Variants in MERTK observed in about 807,000 individuals in gnomAD.
MERTK encodes MER proto-oncogene, tyrosine kinase, also known as tyrosine-protein kinase Mer.
MERTK carries 69 observed loss-of-function variants against 99.3 expected under a neutral mutation model. The ratio of observed to expected loss-of-function variants is 0.70; its 90% CI spans 0.57 to 0.85. The LOEUF (loss-of-function observed/expected upper bound fraction) is 0.85, where lower values mean the gene tolerates loss of function less well. Ranked by LOEUF, MERTK falls within the 40% of genes least tolerant of loss-of-function variation. The pLI, the probability that MERTK is intolerant of heterozygous loss-of-function variation, is 0.00. For synonymous variants in MERTK, 426 were observed against 467.6 expected (o/e 0.91, Z 1.15); for missense variants, 1,125 against 1,249.4 (o/e 0.90, Z 1.50).
intron 1 of MERTK, among the ~76,000 whole-genome samples, chr2:111,913,717 T>C (rs1684294204): frequency 6.6e-6 from 1 of 152,064 alleles, no homozygotes; most frequent in Admixed American, 6.6e-5. Context: ...TGGCTAATTT[T>C]TTTGTATTTT....
At chr2:111,985,248 G>A (rs1202624784) in intron 8 of MERTK, among the ~76,000 whole-genome samples, 1 of 152,168 alleles carries the variant, frequency 6.6e-6, no homozygotes, top group Non-Finnish European at 1.5e-5. Flanking sequence ...GCTATGATGT[G>A]AACCCTGGAC....
intron 16 of MERTK, among the ~76,000 whole-genome samples, chr2:112,020,173 C>A (rs1469237162): frequency 1.3e-5 from 2 of 152,234 alleles, no homozygotes; most frequent in Non-Finnish European, 2.9e-5. Flanking sequence ...GGCCTGCCCC[C>A]TCCCGCCTCC....
Position 111,929,303 on chromosome 2 carries a change from A to T in MERTK, c.245A>T (p.Gln82Leu). Residue 82 changes from glutamine (Q) to leucine (L), a missense_variant, in exon 2 of 19, where the codon CAG becomes CTG. Physicochemically the swap from Gln to Leu is moderately radical, Grantham distance 113 (BLOSUM62 -2). Coordinates refer to ENST00000295408, the MANE Select transcript of MERTK (RefSeq NM_006343.3). Reference sequence around the variant, plus strand: ...CATACAGGAAACGTAGCCATTCCCCAGGTGACCTCTGTCGAATCAAAGCCC... The same window carrying T: ...CATACAGGAAACGTAGCCATTCCCCTGGTGACCTCTGTCGAATCAAAGCCC... ...RPHTGNVAIPQVTSVESKPLP... is the reference protein window; with the variant it reads ...RPHTGNVAIPLVTSVESKPLP... The T allele has an allele frequency of 6.2e-7, 1 of 1,614,216 alleles. No individual in the cohort carries two copies. Among genetic ancestry groups the T allele is most frequent in the East Asian group, 2.2e-5 (1 of 44,888 alleles).
rs1192670334 is a variant in MERTK, at chr2:111,929,473, G to A, written c.415G>A (p.Gly139Arg). ...GTGGAAAGATGGGAAGGAATTGCTT[G>A]GGGCACATCATGCAATTACACAGTT... ...SWWKDGKELL[G>R]AHHAITQFYP... Residue 139 changes from glycine to arginine, a missense_variant, in exon 2 of 19, where the codon GGG becomes AGG. Coordinates refer to ENST00000295408, the MANE Select transcript of MERTK (RefSeq NM_006343.3). The A allele has an allele frequency of 6.2e-7, 1 of 1,613,940 alleles. No homozygotes were observed. Among genetic ancestry groups the A allele is most frequent in the East Asian group, 2.2e-5 (1 of 44,906 alleles).
intron 15 of MERTK, chr2:112,013,335 A>C (rs369207214): frequency 6.5e-6 from 1 of 154,280 alleles, no homozygotes; most frequent in Non-Finnish European, 1.5e-5. Flanking sequence ...TTTTTCCCCC[A>C]AAAAGAAAGA....
intron 4 of MERTK, among the ~76,000 whole-genome samples, chr2:111,960,763 C>A (rs1296833535): frequency 1.3e-5 from 2 of 151,828 alleles, no homozygotes; most frequent in Admixed American, 1.3e-4. Context: ...TGGTGGAAAA[C>A]TTGCTGCTGG....
intron 7 of MERTK, among the ~76,000 whole-genome samples, chr2:111,979,987 G>T (rs1676335255): frequency 6.6e-6 from 1 of 152,174 alleles, no homozygotes; most frequent in African/African-American, 2.4e-5. Flanking sequence ...TCATTGATTT[G>T]ATTGGAACTC....
intron 16 of MERTK, among the ~76,000 whole-genome samples, chr2:112,020,842 A>C (rs1573647383): frequency 6.6e-6 from 1 of 151,798 alleles, no homozygotes; most frequent in Non-Finnish European, 1.5e-5. Context: ...GTTTCTATCC[A>C]CTGTGCACAG....
chr2:112,021,603 A>G (rs1677352448), intron 17 of MERTK, 22 bp downstream of exon 17: 2 of 1,597,274 alleles, frequency 1.3e-6, no homozygotes, highest in South Asian at 2.2e-5. Context: ...GCTTTGATTC[A>G]GGGGTCCCAC....
chr2:111,985,072 G>A (rs1196718309), intron 8 of MERTK, among the ~76,000 whole-genome samples: 2 of 152,162 alleles, frequency 1.3e-5, no homozygotes, highest in Non-Finnish European at 2.9e-5. Context: ...GTAAGTACTG[G>A]TTTCATTTCA....
At chr2:111,950,646 C>T (rs888416077) in intron 4 of MERTK, among the ~76,000 whole-genome samples, 13 of 152,190 alleles carry the variant, frequency 8.5e-5, no homozygotes, top group Admixed American at 4.6e-4. Context: ...ATTTCATTTC[C>T]CTGATGTCTA....
At chr2:111,987,911 G>A (rs1452138799) in intron 8 of MERTK, among the ~76,000 whole-genome samples, 2 of 151,396 alleles carry the variant, frequency 1.3e-5, no homozygotes, top group African/African-American at 2.4e-5. Context: ...TTTACTCTTC[G>A]TTTTCAAAGG....
At chr2:111,914,101 CTT>C (rs765850254) in intron 1 of MERTK, among the ~76,000 whole-genome samples, 1,482 of 94,160 alleles carry the variant, frequency 0.016, 13 homozygotes, top group African/African-American at 0.068. Flanking sequence ...TTCTTTCTTT[CTT>C]TTTTTTTTTT....
chr2:111,948,982 G>T (rs567484019), intron 4 of MERTK, among the ~76,000 whole-genome samples: 1 of 151,766 alleles, frequency 6.6e-6, no homozygotes, highest in East Asian at 1.9e-4. Flanking sequence ...TGCTTGTTAG[G>T]CACGAGTCAC....
intron 18 of MERTK, among the ~76,000 whole-genome samples, chr2:112,027,265 G>T (rs545895804): frequency 1.0e-4 from 15 of 149,726 alleles, no homozygotes; most frequent in Non-Finnish European, 3.0e-5. Context: ...TGCCATATAT[G>T]TGTATATATA....
At chr2:111,925,293 T>TATATATATATATATATATA (rs1553446655) in intron 1 of MERTK, among the ~76,000 whole-genome samples, 73 of 29,640 alleles carry the variant, frequency 2.5e-3, no homozygotes, top group Non-Finnish European at 3.2e-3. Flanking sequence ...TATATATATA[T>TATATATATATATATATATA]TTTTTTTTTT....
intron 16 of MERTK, chr2:112,020,501 T>TA: frequency 4.4e-6 from 2 of 451,588 alleles, no homozygotes; most frequent in Non-Finnish European, 9.1e-6. Flanking sequence ...CTCTTCCTTT[T>TA]ATTCTTTCTT....
At chr2:111,915,001 A>G (rs1363449782) in intron 1 of MERTK, among the ~76,000 whole-genome samples, 2 of 152,222 alleles carry the variant, frequency 1.3e-5, no homozygotes, top group Admixed American at 1.3e-4. Context: ...TAATTCTCCA[A>G]TGAAACCATC....
chr2:111,903,662 C>T (rs1684085765), intron 1 of MERTK, among the ~76,000 whole-genome samples: 1 of 152,130 alleles, frequency 6.6e-6, no homozygotes, highest in Non-Finnish European at 1.5e-5. Flanking sequence ...AAAGGGGTCT[C>T]ACACTGTGTG....
Sources: gnomAD v4.1 joint callset for allele counts (sites outside exome capture counted in the v4.1 genomes callset) on GRCh38, gnomAD v4.1.1 for gene constraint, MANE v1.5 for transcripts, NCBI Gene and HGNC (gene_info 2026-07-23, HGNC 2026-07-21) for gene names.